VRK2: variants seen among roughly 807,000 people sequenced by gnomAD.
VRK2 encodes VRK serine/threonine kinase 2, also known as serine/threonine-protein kinase VRK2.
In VRK2, 60 loss-of-function variants were observed where a neutral mutation model predicts 57.6. That is an observed-to-expected ratio of 1.04 (90% CI 0.85 to 1.29). VRK2 has a LOEUF of 1.29. Ranked by LOEUF, VRK2 falls within the 50% of genes most tolerant of loss-of-function variation. The pLI is 0.00. For synonymous variants in VRK2, 231 were observed against 199.2 expected (o/e 1.16, Z -1.35); for missense variants, 705 against 588.1 (o/e 1.20, Z -2.06).
chr2:58,137,206 T>C lies in VRK2; in HGVS notation c.856+2007T>C, dbSNP rs1426759909. Among the ~76,000 whole-genome samples the C allele has an allele frequency of 9.8e-5, 10 of 101,746 alleles. No individual in the cohort carries two copies. In the East Asian group the frequency reaches 2.3e-3, roughly 23 times the overall value. 66.7% of individuals were successfully genotyped at this position (101,746 alleles called of 152,430 possible). On this transcript the variant is annotated intron_variant, in intron 10 of 12. Transcript: ENST00000340157. ...TCATATATGATACATATATATCTCA[T>C]ATATGATACATATATATCATATGAT...
chr2:57,929,089 C>G (rs1364176398), intron 1 of VRK2, among the ~76,000 whole-genome samples: 1 of 152,278 alleles, frequency 6.6e-6, no homozygotes, highest in Admixed American at 6.5e-5. Context: ...AGCCCAAGAG[C>G]TCTACAATCC....
intron 7 of VRK2, among the ~76,000 whole-genome samples, chr2:58,093,026 G>GTA (rs576267159): frequency 0.021 from 3,187 of 152,238 alleles, 126 homozygotes; most frequent in African/African-American, 0.074. Flanking sequence ...GTATTCCATG[G>GTA]TATATATGTG....
intron 1 of VRK2, among the ~76,000 whole-genome samples, chr2:57,937,824 TTTC>T (rs1670963440): frequency 7.6e-6 from 1 of 132,178 alleles, no homozygotes; most frequent in Admixed American, 9.5e-5. Context: ...ATTGTTTATC[TTTC>T]TTTTTTTTTT....
At chr2:58,154,365 C>T (rs1438443964) in intron 12 of VRK2, among the ~76,000 whole-genome samples, 1 of 150,916 alleles carries the variant, frequency 6.6e-6, no homozygotes, top group Admixed American at 6.6e-5. Context: ...TTGTATATAT[C>T]ATATCTATGG....
intron 2 of VRK2, among the ~76,000 whole-genome samples, chr2:58,050,991 C>T (rs762373328): frequency 1.3e-5 from 2 of 152,200 alleles, no homozygotes; most frequent in Non-Finnish European, 2.9e-5. Context: ...ACTACAGGCA[C>T]CTGCCACCCT....
Position 58,122,120 on chromosome 2 carries a change from A to C in VRK2, c.544-981A>C, listed in dbSNP as rs546531722. On this transcript the variant is annotated intron_variant, in intron 7 of 12. Transcript: ENST00000340157. ...TCATATGAAAGGTCAAAAGTTCTGC[A>C]TTGATGTTCCATTCATAAATACAGA... 2.6e-5 allele frequency among the ~76,000 whole-genome samples: 4 copies of C among 152,362 alleles called. 1 individual carries two copies. Among genetic ancestry groups the C allele is most frequent in the African/African-American group, 9.6e-5 (4 of 41,594 alleles).
At chr2:58,007,941 G>C (rs1466220647) in intron 1 of VRK2, among the ~76,000 whole-genome samples, 3 of 151,958 alleles carry the variant, frequency 2.0e-5, no homozygotes, top group African/African-American at 7.2e-5. Flanking sequence ...AAGGGAAATA[G>C]AAAATCCACA....
At chr2:58,081,132 G>T (rs1670805635) in intron 2 of VRK2, among the ~76,000 whole-genome samples, 1 of 151,848 alleles carries the variant, frequency 6.6e-6, no homozygotes, top group African/African-American at 2.4e-5. Context: ...TTTTGGTCTG[G>T]TTAATTACCT....
At chr2:58,007,258 T>C (rs924523643) in intron 1 of VRK2, among the ~76,000 whole-genome samples, 5 of 151,752 alleles carry the variant, frequency 3.3e-5, no homozygotes, top group African/African-American at 1.2e-4. Context: ...TGTATGTACA[T>C]ATACACACTC....
chr2:58,070,698 T>A (rs1475543824), intron 2 of VRK2, among the ~76,000 whole-genome samples: 1 of 152,174 alleles, frequency 6.6e-6, no homozygotes, highest in South Asian at 2.1e-4. Flanking sequence ...AGTTTGTTTA[T>A]CCATTCACCT....
At chr2:58,070,990 T>C (rs1266426822) in intron 2 of VRK2, among the ~76,000 whole-genome samples, 1 of 152,200 alleles carries the variant, frequency 6.6e-6, no homozygotes, top group East Asian at 1.9e-4. Context: ...GTCTGTGTTT[T>C]TGGATTTTAG....
intron 3 of VRK2, chr2:58,040,965 A>T: frequency 5.7e-6 from 5 of 880,192 alleles, no homozygotes; most frequent in Non-Finnish European, 6.8e-6. Flanking sequence ...GAAGGTGTCA[A>T]CTCTATTCTT....
chr2:58,104,722 T>C (rs960337149), intron 7 of VRK2, among the ~76,000 whole-genome samples: 1 of 151,716 alleles, frequency 6.6e-6, no homozygotes, highest in Non-Finnish European at 1.5e-5. Context: ...GAAATTCACA[T>C]AGAACTGAAA....
intron 1 of VRK2, among the ~76,000 whole-genome samples, chr2:58,015,844 G>C (rs1367162182): frequency 2.0e-5 from 3 of 152,048 alleles, no homozygotes; most frequent in African/African-American, 7.2e-5. Context: ...TAGAATATTG[G>C]AAATTATTAC....
chr2:58,133,088 A>T (rs1469501164), intron 9 of VRK2, among the ~76,000 whole-genome samples: 3 of 152,128 alleles, frequency 2.0e-5, no homozygotes, highest in African/African-American at 4.8e-5. Context: ...ATGCTATTTT[A>T]AAAAACTAAC....
At chr2:57,929,186 C>T (rs927231085) in intron 1 of VRK2, among the ~76,000 whole-genome samples, 8 of 152,184 alleles carry the variant, frequency 5.3e-5, no homozygotes, top group African/African-American at 1.9e-4. Context: ...AGATGCTGTC[C>T]AGGAGCCAGG....
chr2:57,983,271 T>A (rs1672488740), intron 1 of VRK2, among the ~76,000 whole-genome samples: 1 of 152,206 alleles, frequency 6.6e-6, no homozygotes, highest in South Asian at 2.1e-4. Flanking sequence ...CAATACTGCA[T>A]TTCTTTAACC....
chr2:58,051,159 T>A (rs1383746208), intron 2 of VRK2, among the ~76,000 whole-genome samples: 1 of 152,200 alleles, frequency 6.6e-6, no homozygotes, highest in East Asian at 1.9e-4. Context: ...TATTTTTTTT[T>A]ATTACCAAAA....
At chr2:58,121,903 C>G in intron 7 of VRK2, among the ~76,000 whole-genome samples, 1 of 152,166 alleles carries the variant, frequency 6.6e-6, no homozygotes. Context: ...CAGTAAATGT[C>G]TAGTCAAAAC....
Sources: allele counts gnomAD v4.1 joint callset (sites outside exome capture counted in the v4.1 genomes callset), GRCh38; gene constraint gnomAD v4.1.1; transcripts MANE v1.5; gene names NCBI Gene and HGNC (gene_info 2026-07-23, HGNC 2026-07-21).